ZBTB20: variants seen among roughly 807,000 people sequenced by gnomAD.
ZBTB20 encodes zinc finger and BTB domain-containing protein 20.
ZBTB20 carries 9 observed loss-of-function variants against 56.9 expected under a neutral mutation model. That is an observed-to-expected ratio of 0.16 (90% CI 0.10 to 0.28). The LOEUF is 0.28. Ranked by LOEUF, ZBTB20 falls within the 10% of genes least tolerant of loss-of-function variation. The probability of loss-of-function intolerance (pLI) is 1.00; values close to 1 mark genes in which losing one functional copy is unlikely to be tolerated. For synonymous variants in ZBTB20, 417 were observed against 420.7 expected, an observed-to-expected ratio of 0.99 and a Z score of 0.11; for missense variants, 655 against 1,003.0, an observed-to-expected ratio of 0.65 and a Z score of 4.69.
intron 2 of ZBTB20, among the ~76,000 whole-genome samples, chr3:115,063,669 AC>A (rs1166921584): frequency 1.2e-4 from 18 of 151,784 alleles, no homozygotes; most frequent in African/African-American, 3.9e-4. Context: ...ACACACACAC[AC>A]ACACACACAC....
intron 3 of ZBTB20, among the ~76,000 whole-genome samples, chr3:114,901,137 G>C (rs1162356452): frequency 6.6e-6 from 1 of 152,076 alleles, no homozygotes; most frequent in East Asian, 1.9e-4. Context: ...AGGAGTGGTG[G>C]CTCACGCCTG....
At chr3:114,557,946 A>G (rs910810140) in intron 6 of ZBTB20, among the ~76,000 whole-genome samples, 1 of 152,096 alleles carries the variant, frequency 6.6e-6, no homozygotes, top group Non-Finnish European at 1.5e-5. Flanking sequence ...TAATAGCACT[A>G]AACTTCCTTC....
At chr3:115,094,176 TAAA>T (rs1415935236) in intron 1 of ZBTB20, among the ~76,000 whole-genome samples, 1 of 152,058 alleles carries the variant, frequency 6.6e-6, no homozygotes, top group Admixed American at 6.6e-5. Flanking sequence ...AGGGCTAATA[TAAA>T]AAGTAAGTTA....
At chr3:114,665,907 T>C (rs2061026414) in intron 6 of ZBTB20, among the ~76,000 whole-genome samples, 1 of 152,012 alleles carries the variant, frequency 6.6e-6, no homozygotes, top group Admixed American at 6.6e-5. Flanking sequence ...AAGATAGCAA[T>C]ATTGTAGCTT....
At chr3:114,992,713 T>C (rs893822537) in intron 2 of ZBTB20, among the ~76,000 whole-genome samples, 3 of 151,932 alleles carry the variant, frequency 2.0e-5, no homozygotes, top group Non-Finnish European at 2.9e-5. Flanking sequence ...CTGTAAGATT[T>C]AGACTAGAAA....
chr3:114,823,927 A>G (rs1579033656), intron 4 of ZBTB20, among the ~76,000 whole-genome samples: 2 of 152,128 alleles, frequency 1.3e-5, no homozygotes, highest in East Asian at 3.9e-4. Flanking sequence ...GCTGTTTTTG[A>G]ATTACATAAG....
rs536878102 is a variant in ZBTB20, at chr3:114,940,491, C to T, written c.-456+33875G>A. On this transcript the variant is annotated intron_variant, in intron 3 of 11. Coordinates refer to ENST00000675478, the MANE Select transcript of ZBTB20 (RefSeq NM_001348800.3). ...TTAAAAGAACTAGTTTCATAGATTG[C>T]TGTCATGCACCCTAATTAGACAAAC... Among the ~76,000 whole-genome samples the T allele has an allele frequency of 1.2e-3, 170 of 145,220 alleles. 28 individuals are homozygous for T. Among genetic ancestry groups the T allele is most frequent in the African/African-American group, 3.7e-3 (132 of 35,290 alleles).
intron 6 of ZBTB20, chr3:114,528,808 C>T (rs1471736682): frequency 1.3e-5 from 2 of 152,120 alleles, no homozygotes; most frequent in Non-Finnish European, 2.9e-5. Flanking sequence ...AAGTAAATTG[C>T]TACGTATTGC....
At chr3:114,440,137 C>T (rs372728110) in intron 7 of ZBTB20, among the ~76,000 whole-genome samples, 73 of 151,866 alleles carry the variant, frequency 4.8e-4, no homozygotes, top group African/African-American at 1.7e-3. Context: ...AATGGATGCA[C>T]ACATAAAACT....
At chr3:114,382,037 C>T (rs1240534269) in intron 8 of ZBTB20, among the ~76,000 whole-genome samples, 1 of 152,218 alleles carries the variant, frequency 6.6e-6, no homozygotes, top group East Asian at 1.9e-4. Context: ...ATCAAAGTTG[C>T]TAAAGCCCAA....
chr3:115,065,013 T>A (rs1273731387), intron 2 of ZBTB20, among the ~76,000 whole-genome samples: 1 of 152,178 alleles, frequency 6.6e-6, no homozygotes, highest in Non-Finnish European at 1.5e-5. Context: ...TATACTTTTA[T>A]AACAGTTTCC....
rs1433434685 is a variant in ZBTB20 at position 114,787,368 on chromosome 3, T to TATACACATACAC, written c.-343+13732_-343+13733insGTGTATGTGTAT. On this transcript the variant is annotated intron_variant, in intron 5 of 11. Transcript: ENST00000675478. ...ATATATATATATATATATATATATA[T>TATACACATACAC]ACACACACACACACACACACACACA... is the stretch of plus-strand genomic sequence containing the variant. Among the ~76,000 whole-genome samples the TATACACATACAC allele has an allele frequency of 9.2e-4, 98 of 106,308 alleles. 4 individuals carry two copies. The highest frequency in any genetic ancestry group is 4.2e-3 in the African/African-American group (92 of 22,048). 69.7% of individuals were successfully genotyped at this position (106,308 alleles called of 152,430 possible).
rs146641758 is a variant in ZBTB20, at chr3:114,399,330, A to C, written c.-254-10225T>G. ...GTATACAAACAAAAAATTTAATAAA[A>C]AGCTATTTTATAAATAAGAATGTTT... On this transcript the variant is annotated intron_variant, in intron 7 of 11. Transcript: ENST00000675478. Among the ~76,000 whole-genome samples the C allele has an allele frequency of 2.9e-3, 445 of 152,280 alleles. 4 individuals are homozygous for C. The highest frequency in any genetic ancestry group is 0.01 in the African/African-American group (416 of 41,564).
intron 4 of ZBTB20, among the ~76,000 whole-genome samples, chr3:114,869,391 A>G (rs543222500): frequency 2.0e-5 from 3 of 152,190 alleles, no homozygotes; most frequent in East Asian, 3.9e-4. Context: ...TCAGGTCCAC[A>G]TTTGTTGCTT....
At chr3:114,389,405 T>C (rs559431827) in intron 7 of ZBTB20, among the ~76,000 whole-genome samples, 5 of 152,174 alleles carry the variant, frequency 3.3e-5, no homozygotes, top group Non-Finnish European at 7.4e-5. Flanking sequence ...TGGGTGACAG[T>C]GGGGGAAGGA....
intron 5 of ZBTB20, among the ~76,000 whole-genome samples, chr3:114,748,279 CTTCTTTCTTTCTTTCT>C (rs147900859): frequency 2.9e-4 from 30 of 104,534 alleles, no homozygotes; most frequent in Middle Eastern, 5.0e-3. Flanking sequence ...TTTGTTGTAG[CTTCTTTCTTTCTTTCT>C]TTCTTTCTTT....
At chr3:114,793,309 A>C (rs2071102928) in intron 5 of ZBTB20, among the ~76,000 whole-genome samples, 1 of 152,106 alleles carries the variant, frequency 6.6e-6, no homozygotes, top group Non-Finnish European at 1.5e-5. Flanking sequence ...CCAATTATTA[A>C]ACATTGGAAT....
chr3:115,009,998 T>C (rs756978844), intron 2 of ZBTB20, among the ~76,000 whole-genome samples: 2 of 151,996 alleles, frequency 1.3e-5, no homozygotes, highest in Non-Finnish European at 2.9e-5. Flanking sequence ...TGCCGACTTA[T>C]TCGAAAAGGT....
intron 6 of ZBTB20, chr3:114,520,037 G>A (rs1042146825): frequency 6.6e-6 from 1 of 151,788 alleles, no homozygotes; most frequent in African/African-American, 2.4e-5. Context: ...AAGAATCTCA[G>A]AGAGCAATAA....
Sources: gnomAD v4.1 joint callset for allele counts (sites outside exome capture counted in the v4.1 genomes callset) on GRCh38, gnomAD v4.1.1 for gene constraint, MANE v1.5 for transcripts, NCBI Gene and HGNC (gene_info 2026-07-23, HGNC 2026-07-21) for gene names.